PTPRK: variants seen among roughly 807,000 people sequenced by gnomAD.
PTPRK encodes protein tyrosine phosphatase receptor type K.
PTPRK carries 75 observed loss-of-function variants against 178.0 expected under a neutral mutation model. The observed-to-expected ratio is 0.42, with a 90% confidence interval of 0.35 to 0.51. The LOEUF is 0.51. PTPRK is among the 20% of genes least tolerant of loss of function. The pLI, the probability that PTPRK is intolerant of heterozygous loss-of-function variation, is 0.02. For synonymous variants in PTPRK, 637 were observed against 620.6 expected (o/e 1.03, Z -0.39); for missense variants, 1,441 against 1,797.8 (o/e 0.80, Z 3.59).
intron 7 of PTPRK, among the ~76,000 whole-genome samples, chr6:128,176,654 T>C (rs1801123459): frequency 6.6e-6 from 1 of 151,726 alleles, no homozygotes; most frequent in Non-Finnish European, 1.5e-5. Context: ...ATGCTTTTTT[T>C]CCCCTCTGCA....
At chr6:128,126,226 C>T (rs559226608) in intron 7 of PTPRK, among the ~76,000 whole-genome samples, 10 of 152,182 alleles carry the variant, frequency 6.6e-5, no homozygotes, top group African/African-American at 2.4e-4. Context: ...TTGCCCCCAA[C>T]TCTCTGACAG....
intron 1 of PTPRK, among the ~76,000 whole-genome samples, chr6:128,455,607 G>A (rs1207766121): frequency 1.3e-5 from 2 of 152,140 alleles, no homozygotes; most frequent in African/African-American, 4.8e-5. Context: ...ATTTCAGAGT[G>A]CGATTTGAAG....
chr6:128,193,280 GAAAAAAAA>G lies in PTPRK; in HGVS notation c.869-8563_869-8556del, dbSNP rs778872277. On this transcript the variant is annotated intron_variant, in intron 6 of 29. Transcript: ENST00000368226. The stretch of plus-strand genomic sequence containing the variant: ...GAATCAAATGATTTATCCAGCTTGT[GAAAAAAAA>G]AAAAAAAAAAAAAAAAGGCACAGCT... Among the ~76,000 whole-genome samples, 23 of 57,768 alleles carry G rather than the reference GAAAAAAAA, an allele frequency of 4.0e-4. No individual in the cohort carries two copies. The South Asian group carries it at 0.024, about 60-fold the overall frequency. 37.9% of individuals were successfully genotyped at this position (57,768 alleles called of 152,430 possible).
chr6:128,082,441 G>A lies in PTPRK; in HGVS notation c.1773C>T (p.Ile591=). 1 of 1,601,308 alleles carries A rather than the reference G, an allele frequency of 6.2e-7. No individual in the cohort carries two copies. The highest frequency in any genetic ancestry group is 8.6e-7 in the Non-Finnish European group (1 of 1,168,514). Residue 591 remains isoleucine (I), a synonymous_variant, in exon 10 of 30, where the codon ATC becomes ATT. Transcript: ENST00000368226. ...GTAATTTATTCATTTGCATACCTGA[G>A]ATATTGGTGGTGACATTGATGGCTG... ...PATAINVTTN[I]SAPTLPDYEG... is the part of the protein sequence containing the mutation.
At chr6:128,429,722 T>TGTTTAAAAA (rs1844579423) in intron 1 of PTPRK, among the ~76,000 whole-genome samples, 1 of 152,170 alleles carries the variant, frequency 6.6e-6, no homozygotes, top group Non-Finnish European at 1.5e-5. Flanking sequence ...AAGAAAATCC[T>TGTTTAAAAA]AGAGGCTCTT....
At chr6:128,502,992 C>T (rs1855776378) in intron 1 of PTPRK, among the ~76,000 whole-genome samples, 1 of 152,118 alleles carries the variant, frequency 6.6e-6, no homozygotes, top group Non-Finnish European at 1.5e-5. Context: ...CTTTGGGAGT[C>T]CAAGGCAGGC....
intron 2 of PTPRK, among the ~76,000 whole-genome samples, chr6:128,372,635 G>T (rs1836450660): frequency 6.6e-6 from 1 of 152,104 alleles, no homozygotes; most frequent in Admixed American, 6.6e-5. Flanking sequence ...CTTGATTTTA[G>T]GTTACTGAGG....
chr6:128,514,615 A>G (rs1226713874), intron 1 of PTPRK, among the ~76,000 whole-genome samples: 2 of 152,232 alleles, frequency 1.3e-5, no homozygotes, highest in African/African-American at 2.4e-5. Context: ...AAGTGGAAAC[A>G]CGGATTATTC....
intron 1 of PTPRK, among the ~76,000 whole-genome samples, chr6:128,475,705 C>T (rs1851294001): frequency 6.6e-6 from 1 of 151,938 alleles, no homozygotes; most frequent in Non-Finnish European, 1.5e-5. Context: ...GATTGAGGTA[C>T]TCCTGGGCAT....
chr6:128,451,031 C>T (rs1205436259), intron 1 of PTPRK, among the ~76,000 whole-genome samples: 4 of 152,084 alleles, frequency 2.6e-5, no homozygotes, highest in Non-Finnish European at 5.9e-5. Flanking sequence ...AAGCCTGTCA[C>T]CTCAAGAAAA....
chr6:128,327,466 C>T (rs1829732152), intron 2 of PTPRK, among the ~76,000 whole-genome samples: 1 of 152,166 alleles, frequency 6.6e-6, no homozygotes, highest in Admixed American at 6.6e-5. Flanking sequence ...TTACCTCCCA[C>T]TTCTCTTCAC....
At chr6:128,269,440 A>G (rs1225466900) in intron 3 of PTPRK, among the ~76,000 whole-genome samples, 1 of 151,912 alleles carries the variant, frequency 6.6e-6, no homozygotes, top group African/African-American at 2.4e-5. Context: ...TGAAACACAG[A>G]GGAGAGACTG....
intron 7 of PTPRK, among the ~76,000 whole-genome samples, chr6:128,181,612 T>C (rs1801920405): frequency 6.6e-6 from 1 of 152,080 alleles, no homozygotes. Context: ...TTCCCAAGAT[T>C]ATGAAGCATT....
intron 21 of PTPRK, among the ~76,000 whole-genome samples, chr6:127,986,946 T>C (rs1472743385): frequency 6.6e-6 from 1 of 152,112 alleles, no homozygotes. Context: ...TAAATAACTG[T>C]AACAATCACA....
intron 3 of PTPRK, among the ~76,000 whole-genome samples, chr6:128,272,009 A>T (rs751645279): frequency 7.2e-5 from 11 of 152,072 alleles, no homozygotes; most frequent in Admixed American, 2.0e-4. Context: ...GACTGATTGT[A>T]ACAGATTTAT....
intron 6 of PTPRK, among the ~76,000 whole-genome samples, chr6:128,210,625 T>C (rs1224348140): frequency 6.6e-6 from 1 of 150,682 alleles, no homozygotes; most frequent in Non-Finnish European, 1.5e-5. Flanking sequence ...AGGAGGTGAG[T>C]GATAAAGAAC....
At chr6:128,278,180 G>A (rs934195653) in intron 3 of PTPRK, among the ~76,000 whole-genome samples, 8 of 146,448 alleles carry the variant, frequency 5.5e-5, no homozygotes, top group Non-Finnish European at 1.1e-4. Flanking sequence ...TATTTGAGAC[G>A]GAGTCTCGCA....
At chr6:128,480,779 C>T (rs1237067515) in intron 1 of PTPRK, among the ~76,000 whole-genome samples, 1 of 152,180 alleles carries the variant, frequency 6.6e-6, no homozygotes, top group Non-Finnish European at 1.5e-5. Flanking sequence ...CAGTGTTCTG[C>T]CCACTTTATC....
intron 13 of PTPRK, among the ~76,000 whole-genome samples, chr6:128,010,973 T>C (rs1778983943): frequency 1.3e-5 from 2 of 151,264 alleles, no homozygotes; most frequent in African/African-American, 2.4e-5. Flanking sequence ...TGGTTGAATT[T>C]ACCAAAACAT....
Sources: allele counts gnomAD v4.1 joint callset (sites outside exome capture counted in the v4.1 genomes callset), GRCh38; gene constraint gnomAD v4.1.1; transcripts MANE v1.5; gene names NCBI Gene and HGNC (gene_info 2026-07-23, HGNC 2026-07-21).